The following CDK14 variants were observed in gnomAD, a reference collection of about 807,000 sequenced individuals.
CDK14 encodes cyclin-dependent kinase 14.
In CDK14, 34 loss-of-function variants were observed where a neutral mutation model predicts 60.7. The observed-to-expected ratio is 0.56, with a 90% CI of 0.43 to 0.75. CDK14 has a LOEUF of 0.75. Ranked by LOEUF, CDK14 falls within the 30% of genes least tolerant of loss-of-function variation. The pLI, the probability that CDK14 is intolerant of heterozygous loss-of-function variation, is 0.00. For missense variants in CDK14, 482 were observed against 564.1 expected, an observed-to-expected ratio of 0.85 and a Z score of 1.47; for synonymous variants, 197 against 203.7, an observed-to-expected ratio of 0.97 and a Z score of 0.28.
intron 3 of CDK14, among the ~76,000 whole-genome samples, chr7:90,739,843 G>C (rs1297123450): frequency 1.3e-5 from 2 of 152,006 alleles, no homozygotes; most frequent in Non-Finnish European, 2.9e-5. Context: ...GTTTAATATA[G>C]GTTTTTAAAT....
intron 11 of CDK14, among the ~76,000 whole-genome samples, chr7:91,057,547 G>C (rs1000629075): frequency 1.3e-5 from 2 of 152,044 alleles, no homozygotes; most frequent in African/African-American, 4.8e-5. Flanking sequence ...AGGTCTAATG[G>C]TTAAGTCTTT....
chr7:91,010,140 G>T (rs150081971), intron 10 of CDK14, among the ~76,000 whole-genome samples: 1 of 152,020 alleles, frequency 6.6e-6, no homozygotes, highest in Non-Finnish European at 1.5e-5. Context: ...CTTGATGTCA[G>T]TGCCACACTG....
chr7:90,830,845 C>T (rs1477924801), intron 5 of CDK14, among the ~76,000 whole-genome samples: 1 of 152,216 alleles, frequency 6.6e-6, no homozygotes, highest in African/African-American at 2.4e-5. Context: ...ATCTCTAGGG[C>T]AGGAGCAAAA....
At chr7:90,724,062 C>G (rs1384647205) in intron 2 of CDK14, among the ~76,000 whole-genome samples, 1 of 151,978 alleles carries the variant, frequency 6.6e-6, no homozygotes, top group African/African-American at 2.4e-5. Flanking sequence ...CCACCTGGCC[C>G]TGGCATTATC....
chr7:91,001,105 C>A (rs1417948029), intron 10 of CDK14, among the ~76,000 whole-genome samples: 1 of 152,114 alleles, frequency 6.6e-6, no homozygotes, highest in Non-Finnish European at 1.5e-5. Context: ...TCTGAAGCAG[C>A]TTTTGGTTAG....
chr7:90,667,434 C>T (rs114667767), intron 2 of CDK14, among the ~76,000 whole-genome samples: 2,369 of 152,108 alleles, frequency 0.016, 90 homozygotes, highest in African/African-American at 0.052. Flanking sequence ...GCAGTCACTC[C>T]CCATTTTTTT....
intron 13 of CDK14, among the ~76,000 whole-genome samples, chr7:91,115,669 G>C (rs1799585676): frequency 6.6e-6 from 1 of 152,162 alleles, no homozygotes; most frequent in Admixed American, 6.6e-5. Flanking sequence ...TAAGTTACAA[G>C]TAGATTTGAG....
intron 14 of CDK14, among the ~76,000 whole-genome samples, chr7:91,135,723 A>C (rs376790259): frequency 1.3e-5 from 2 of 152,070 alleles, no homozygotes; most frequent in African/African-American, 4.8e-5. Context: ...TTTGCACACT[A>C]TTGTCTGTTT....
intron 14 of CDK14, among the ~76,000 whole-genome samples, chr7:91,136,218 T>C (rs1340130077): frequency 6.6e-6 from 1 of 152,176 alleles, no homozygotes; most frequent in Non-Finnish European, 1.5e-5. Flanking sequence ...TGTCCAGTTT[T>C]CAAAACTATG....
intron 4 of CDK14, among the ~76,000 whole-genome samples, chr7:90,764,214 CAGAA>C (rs1316573184): frequency 2.6e-5 from 4 of 152,114 alleles, no homozygotes. Context: ...AGTTCTTAGA[CAGAA>C]AGGTCTGGCA....
intron 11 of CDK14, among the ~76,000 whole-genome samples, chr7:91,051,053 A>G (rs1797376571): frequency 6.6e-6 from 1 of 152,260 alleles, no homozygotes; most frequent in South Asian, 2.1e-4. Context: ...TTTAAAAAGC[A>G]GAAAAGTAGA....
intron 2 of CDK14, among the ~76,000 whole-genome samples, chr7:90,647,091 C>T (rs1347331480): frequency 6.6e-6 from 1 of 152,030 alleles, no homozygotes; most frequent in Non-Finnish European, 1.5e-5. Context: ...ATTAGTGAGG[C>T]TGAGCATATT....
intron 9 of CDK14, among the ~76,000 whole-genome samples, chr7:90,960,539 G>C (rs1794572313): frequency 6.6e-6 from 1 of 152,106 alleles, no homozygotes; most frequent in Non-Finnish European, 1.5e-5. Context: ...TGGGTGGTTA[G>C]AAAAAATTTC....
At chr7:90,853,971 T>G (rs565118329) in intron 5 of CDK14, among the ~76,000 whole-genome samples, 16 of 152,270 alleles carry the variant, frequency 1.1e-4, no homozygotes, top group African/African-American at 3.9e-4. Context: ...CTAATTTGCT[T>G]AAGAATATGC....
chr7:90,852,686 C>G (rs1248243977), intron 5 of CDK14, among the ~76,000 whole-genome samples: 1 of 152,130 alleles, frequency 6.6e-6, no homozygotes, highest in Non-Finnish European at 1.5e-5. Flanking sequence ...CGGATACTGA[C>G]AAGGAGGACA....
At chr7:91,030,825 C>A (rs1464579320) in intron 10 of CDK14, among the ~76,000 whole-genome samples, 1 of 152,222 alleles carries the variant, frequency 6.6e-6, no homozygotes, top group African/African-American at 2.4e-5. Flanking sequence ...AGTCTCCCTC[C>A]CAGTATCTCC....
intron 10 of CDK14, among the ~76,000 whole-genome samples, chr7:90,995,419 C>T (rs952385585): frequency 2.0e-5 from 3 of 152,116 alleles, no homozygotes; most frequent in African/African-American, 4.8e-5. Context: ...GCCAAAGGCA[C>T]CTAGCCAAGA....
At chr7:90,644,281 C>T (rs563005848) in intron 2 of CDK14, among the ~76,000 whole-genome samples, 12 of 152,136 alleles carry the variant, frequency 7.9e-5, no homozygotes, top group Non-Finnish European at 1.0e-4. Flanking sequence ...CCTGAGCAGA[C>T]GAAAACAGTC....
At chr7:90,794,436 T>G (rs543392109) in intron 5 of CDK14, among the ~76,000 whole-genome samples, 10 of 152,186 alleles carry the variant, frequency 6.6e-5, no homozygotes, top group Middle Eastern at 3.2e-3. Context: ...ATCCCTTGTC[T>G]ACAACTGTAA....
Sources: gnomAD v4.1 joint callset for allele counts (sites outside exome capture counted in the v4.1 genomes callset) on GRCh38, gnomAD v4.1.1 for gene constraint, MANE v1.5 for transcripts, NCBI Gene and HGNC (gene_info 2026-07-23, HGNC 2026-07-21) for gene names.